Variants in ABHD17C observed in about 807,000 individuals in gnomAD.
The protein encoded by ABHD17C is alpha/beta hydrolase domain-containing protein 17C.
In ABHD17C, 11 loss-of-function variants were observed where a neutral mutation model predicts 27.9. The ratio of observed to expected loss-of-function variants is 0.39; its 90% confidence interval spans 0.25 to 0.65. ABHD17C has a LOEUF of 0.65. Among genes scored for constraint, ABHD17C ranks in the 30% least tolerant of loss-of-function variants. The pLI, the probability that ABHD17C is intolerant of heterozygous loss-of-function variation, is 0.45. For missense variants in ABHD17C, 280 were observed against 470.2 expected (o/e 0.60, Z 3.74); for synonymous variants, 233 against 209.1 (o/e 1.11, Z -0.98).
At chr15:80,748,332 G>A (rs908796586) in intron 1 of ABHD17C, among the ~76,000 whole-genome samples, 1 of 152,148 alleles carries the variant, frequency 6.6e-6, no homozygotes, top group Non-Finnish European at 1.5e-5. Context: ...GTTGGCTCAC[G>A]GGCTTCAACT....
At chr15:80,703,622 G>A (rs1259283737) in intron 1 of ABHD17C, among the ~76,000 whole-genome samples, 3 of 152,080 alleles carry the variant, frequency 2.0e-5, no homozygotes, top group African/African-American at 7.2e-5. Context: ...TTTTTTTTAA[G>A]TGTGCAGTCT....
intron 1 of ABHD17C, among the ~76,000 whole-genome samples, chr15:80,729,530 A>G (rs1474261039): frequency 3.9e-5 from 6 of 152,206 alleles, no homozygotes; most frequent in South Asian, 2.1e-4. Context: ...AGAAGATTAT[A>G]TATCATTCTG....
At chr15:80,731,994 A>T (rs183563139) in intron 1 of ABHD17C, among the ~76,000 whole-genome samples, 22 of 152,356 alleles carry the variant, frequency 1.4e-4, no homozygotes, top group African/African-American at 5.3e-4. Flanking sequence ...TCAAACTGAG[A>T]TTCTGCACTC....
At chr15:80,717,687 C>A (rs1332565618) in intron 1 of ABHD17C, among the ~76,000 whole-genome samples, 1 of 152,134 alleles carries the variant, frequency 6.6e-6, no homozygotes, top group Non-Finnish European at 1.5e-5. Context: ...TGCCCAGCTG[C>A]AAAATGCATT....
intron 1 of ABHD17C, among the ~76,000 whole-genome samples, chr15:80,726,374 C>T (rs1428219138): frequency 6.6e-6 from 1 of 152,112 alleles, no homozygotes; most frequent in African/African-American, 2.4e-5. Context: ...GGGGCCTGCT[C>T]CCAACATTGC....
chr15:80,754,411 G>C lies in ABHD17C; in HGVS notation c.*41G>C. ...CTTACCTCATTTACTGTGAACAGAA[G>C]AGTCCTCTGTTTTGCACATGCTTTA... On this transcript the variant is annotated 3_prime_UTR_variant, in exon 3 of 3. Transcript: ENST00000258884. 2 of 1,545,348 alleles carry C rather than the reference G, an allele frequency of 1.3e-6. No homozygotes were observed. Among genetic ancestry groups the C allele is most frequent in the Non-Finnish European group, 1.8e-6 (2 of 1,132,720 alleles).
intron 1 of ABHD17C, among the ~76,000 whole-genome samples, chr15:80,730,301 C>T (rs569370329): frequency 1.3e-4 from 20 of 152,276 alleles, no homozygotes; most frequent in Middle Eastern, 3.4e-3. Flanking sequence ...TGAAGTTCCC[C>T]GTCCTGCATA....
chr15:80,718,993 A>G (rs1894849671), intron 1 of ABHD17C, among the ~76,000 whole-genome samples: 1 of 152,226 alleles, frequency 6.6e-6, no homozygotes, highest in Non-Finnish European at 1.5e-5. Context: ...CCTTTGGGGT[A>G]TTAATGGAGA....
chr15:80,696,137 C>G, intron 1 of ABHD17C, 118 bp downstream of exon 1: 1 of 1,070,622 alleles, frequency 9.3e-7, no homozygotes, highest in Non-Finnish European at 1.3e-6. Flanking sequence ...GGCTGAGGGC[C>G]AGCGGAGAGC....
intron 1 of ABHD17C, among the ~76,000 whole-genome samples, chr15:80,711,128 G>C (rs1414658178): frequency 6.6e-6 from 1 of 152,188 alleles, no homozygotes; most frequent in Non-Finnish European, 1.5e-5. Flanking sequence ...GTTTTTCCTG[G>C]GGTGGACCTA....
chr15:80,708,511 T>G (rs1418883224), intron 1 of ABHD17C, among the ~76,000 whole-genome samples: 3 of 152,204 alleles, frequency 2.0e-5, no homozygotes, highest in African/African-American at 7.2e-5. Flanking sequence ...AGACAGTGTT[T>G]TCGCCATGTT....
Position 80,703,260 on chromosome 15 carries a change from C to T in ABHD17C, c.590+7241C>T, listed in dbSNP as rs557695462. On this transcript the variant is annotated intron_variant, in intron 1 of 2. Coordinates refer to ENST00000258884, the MANE Select transcript of ABHD17C (RefSeq NM_021214.2). ...AGATAAGGCATAAGAATGGAGCCCACATGGCCTGATCACCCGTTAAGGGTC... is the reference window on the plus strand; with the variant it reads ...AGATAAGGCATAAGAATGGAGCCCATATGGCCTGATCACCCGTTAAGGGTC... 2.0e-5 allele frequency: 3 copies of T among 152,366 alleles called. No homozygotes were observed. The South Asian group carries it at 6.2e-4, about 32-fold the overall frequency. The allele number at this position is 152,366 out of a possible 1,614,324, so 9.4% of individuals were successfully genotyped here.
rs1371285896 is a variant in ABHD17C at position 80,754,298 on chromosome 15, T to A, written c.918T>A (p.Asn306Lys). The change falls in exon 3 of 3, where the codon AAT becomes AAA. Residue 306 changes from asparagine to lysine, a missense_variant. This residue lies in a region of ABHD17C where 206 missense variants were observed against 394.7 expected (regional missense o/e 0.52). Transcript: ENST00000258884. ...TTTGGGTTGAAGGGGCTGGGCATAA[T>A]GACATAGAGCTTTATGCACAATACC... is the stretch of plus-strand genomic sequence containing the variant. ...EPLWVEGAGHNDIELYAQYLE... is the reference protein window; with the variant it reads ...EPLWVEGAGHKDIELYAQYLE... 1.2e-6 allele frequency: 2 copies of A among 1,613,866 alleles called. No homozygotes were observed. Among genetic ancestry groups the A allele is most frequent in the Non-Finnish European group, 1.7e-6 (2 of 1,179,896 alleles).
intron 1 of ABHD17C, among the ~76,000 whole-genome samples, chr15:80,711,221 C>T (rs139023666): frequency 6.1e-4 from 93 of 152,102 alleles, no homozygotes; most frequent in African/African-American, 2.2e-3. Context: ...TGCCACCAGG[C>T]CTTTAAAAGA....
chr15:80,696,153 G>T (rs1894492478), intron 1 of ABHD17C, 134 bp downstream of exon 1: 3 of 966,634 alleles, frequency 3.1e-6, no homozygotes, highest in African/African-American at 3.3e-5. Flanking sequence ...AGAGCCCCTT[G>T]GCCGCCGTAA....
At chr15:80,696,604 A>G (rs1355769302) in intron 1 of ABHD17C, among the ~76,000 whole-genome samples, 1 of 152,172 alleles carries the variant, frequency 6.6e-6, no homozygotes, top group East Asian at 1.9e-4. Flanking sequence ...ACTGTGGGGC[A>G]GGAAGTTAGC....
intron 1 of ABHD17C, chr15:80,704,655 CA>C (rs1428678533): frequency 2.6e-5 from 4 of 152,000 alleles, no homozygotes; most frequent in African/African-American, 9.7e-5. Flanking sequence ...GCTGGGTGAG[CA>C]TGTGGACACC....
At chr15:80,733,340 T>G (rs545747835) in intron 1 of ABHD17C, among the ~76,000 whole-genome samples, 55 of 152,228 alleles carry the variant, frequency 3.6e-4, no homozygotes, top group African/African-American at 1.3e-3. Flanking sequence ...GCTCACTTGC[T>G]CTCAGCTTTG....
chr15:80,737,747 G>A (rs774225650), intron 1 of ABHD17C, among the ~76,000 whole-genome samples: 2 of 152,158 alleles, frequency 1.3e-5, no homozygotes, highest in Non-Finnish European at 2.9e-5. Context: ...GGACCCCAGA[G>A]TTGTCCAGGT....
Sources: allele counts gnomAD v4.1 joint callset (sites outside exome capture counted in the v4.1 genomes callset), GRCh38; gene constraint gnomAD v4.1.1; regional missense constraint gnomAD v4.1.1; transcripts MANE v1.5; gene names NCBI Gene and HGNC (gene_info 2026-07-23, HGNC 2026-07-21).